The following CACNA2D1 variants were observed in gnomAD, a reference collection of about 807,000 sequenced individuals.
CACNA2D1 encodes calcium voltage-gated channel auxiliary subunit alpha2delta 1, also known as voltage-dependent calcium channel subunit alpha-2/delta-1.
In CACNA2D1, 53 loss-of-function variants were observed where a neutral mutation model predicts 171.5. The ratio of observed to expected loss-of-function variants is 0.31; its 90% CI spans 0.25 to 0.39. The LOEUF (loss-of-function observed/expected upper bound fraction) is 0.39. Ranked by LOEUF, CACNA2D1 falls within the 10% of genes least tolerant of loss-of-function variation. The probability of loss-of-function intolerance (pLI) is 1.00; values close to 1 mark genes in which losing one functional copy is unlikely to be tolerated. For synonymous variants in CACNA2D1, 442 were observed against 443.1 expected, an observed-to-expected ratio of 1.00 and a Z score of 0.03; for missense variants, 903 against 1,299.8, an observed-to-expected ratio of 0.69 and a Z score of 4.69.
intron 16 of CACNA2D1, among the ~76,000 whole-genome samples, chr7:82,006,533 T>C (rs1426084124): frequency 6.6e-6 from 1 of 152,032 alleles, no homozygotes; most frequent in Non-Finnish European, 1.5e-5. Flanking sequence ...ATATAAATTA[T>C]AAAATAATAA....
chr7:82,207,708 C>T (rs1800152469), intron 3 of CACNA2D1, among the ~76,000 whole-genome samples: 1 of 152,164 alleles, frequency 6.6e-6, no homozygotes, highest in African/African-American at 2.4e-5. Context: ...GAAGCTGGTA[C>T]TTAGTAGGAA....
chr7:82,191,882 C>T (rs1476478540), intron 3 of CACNA2D1, among the ~76,000 whole-genome samples: 3 of 151,688 alleles, frequency 2.0e-5, no homozygotes, highest in Non-Finnish European at 4.4e-5. Flanking sequence ...ATGAGATACG[C>T]TTTTCTCTCA....
At chr7:82,420,047 T>C (rs1350313091) in intron 1 of CACNA2D1, among the ~76,000 whole-genome samples, 1 of 152,158 alleles carries the variant, frequency 6.6e-6, no homozygotes, top group African/African-American at 2.4e-5. Flanking sequence ...AACTGTCTGA[T>C]CCAAAATGTC....
intron 4 of CACNA2D1, among the ~76,000 whole-genome samples, chr7:82,164,682 T>C (rs77448021): frequency 0.014 from 2,194 of 152,004 alleles, 33 homozygotes; most frequent in Middle Eastern, 0.02. Context: ...CCTAAATATA[T>C]GCTATTAATA....
chr7:82,387,512 G>A (rs536528315), intron 1 of CACNA2D1, among the ~76,000 whole-genome samples: 4 of 152,242 alleles, frequency 2.6e-5, no homozygotes, highest in Non-Finnish European at 5.9e-5. Context: ...ATTCACAAAT[G>A]TTTAATCATG....
In CACNA2D1 at chr7:81,947,644, AAAG is replaced by A. The variant is rs1365446616; in HGVS notation, c.*2745_*2747del. The A allele has an allele frequency of 3.3e-5, 5 of 152,008 alleles. No homozygotes were observed. The highest frequency in any genetic ancestry group is 5.9e-5 in the Non-Finnish European group (4 of 67,898). 9.4% of individuals were successfully genotyped at this position (152,008 alleles called of 1,614,324 possible). A position where few individuals can be genotyped will look rare whatever the true frequency, so the allele number is the denominator to read the frequency against. ...CACATGAGTATAACAAAAATTAGTT[AAAG>A]CAGTGTATAAACTTTTTTATTGATC... On this transcript the variant is annotated 3_prime_UTR_variant, in exon 39 of 39. Transcript: ENST00000356860.
intron 7 of CACNA2D1, among the ~76,000 whole-genome samples, chr7:82,068,189 C>G (rs73703116): frequency 0.099 from 15,079 of 152,182 alleles, 846 homozygotes; most frequent in Middle Eastern, 0.18. Flanking sequence ...TTGCCCACTT[C>G]CAGCAACATG....
intron 4 of CACNA2D1, among the ~76,000 whole-genome samples, chr7:82,157,210 G>A (rs1012396783): frequency 1.3e-5 from 2 of 152,034 alleles, no homozygotes; most frequent in African/African-American, 2.4e-5. Flanking sequence ...AATCATCAAT[G>A]AAATATCCTT....
At chr7:82,045,415 C>A (rs1804441227) in intron 10 of CACNA2D1, among the ~76,000 whole-genome samples, 2 of 152,036 alleles carry the variant, frequency 1.3e-5, no homozygotes, top group African/African-American at 4.8e-5. Flanking sequence ...GAGTTTTGTA[C>A]TTAGAAAATC....
At chr7:81,955,980 ATTTTTTTTTTTTTTTT>A (rs1164601123) in intron 38 of CACNA2D1, among the ~76,000 whole-genome samples, 3 of 34,546 alleles carry the variant, frequency 8.7e-5, no homozygotes, top group Non-Finnish European at 1.5e-4. Context: ...ATATATATAT[ATTTTTTTTTTTTTTTT>A]TTTTTTTTGG....
At chr7:82,044,338 T>C in intron 10 of CACNA2D1, among the ~76,000 whole-genome samples, 1 of 152,206 alleles carries the variant, frequency 6.6e-6, no homozygotes, top group East Asian at 1.9e-4. Flanking sequence ...GACACAACTA[T>C]AGTTTCTGAA....
chr7:82,348,139 T>A (rs2129445702), intron 2 of CACNA2D1, among the ~76,000 whole-genome samples: 1 of 152,304 alleles, frequency 6.6e-6, no homozygotes, highest in Admixed American at 6.5e-5. Context: ...ACCTGTACTT[T>A]CTTTTTTTTC....
intron 14 of CACNA2D1, 120 bp from the exon 15 acceptor site, chr7:82,012,363 A>G: frequency 1.5e-6 from 1 of 674,326 alleles, no homozygotes; most frequent in Non-Finnish European, 2.7e-6. Flanking sequence ...AATTATTGAC[A>G]CTGAATATAT....
chr7:82,058,849 T>C (rs1806259707), intron 10 of CACNA2D1, among the ~76,000 whole-genome samples: 2 of 152,068 alleles, frequency 1.3e-5, no homozygotes, highest in Admixed American at 6.6e-5. Flanking sequence ...ATACTTACAG[T>C]TTATTCCCCA....
intron 3 of CACNA2D1, among the ~76,000 whole-genome samples, chr7:82,186,389 T>C (rs1224670247): frequency 6.6e-6 from 1 of 152,156 alleles, no homozygotes; most frequent in East Asian, 1.9e-4. Context: ...CCTCAAGGAC[T>C]CTTGAAAGAA....
chr7:82,201,510 A>G (rs1859543), intron 3 of CACNA2D1, among the ~76,000 whole-genome samples: 38,817 of 152,040 alleles, frequency 0.26, 5,655 homozygotes, highest in African/African-American at 0.39. Context: ...AAACGACACT[A>G]AGTGTTGGAC....
chr7:82,043,832 C>T (rs1332898878), intron 10 of CACNA2D1, among the ~76,000 whole-genome samples: 1 of 152,120 alleles, frequency 6.6e-6, no homozygotes, highest in Non-Finnish European at 1.5e-5. Flanking sequence ...CAGAAAGTTA[C>T]GGGAAGTGCC....
intron 3 of CACNA2D1, among the ~76,000 whole-genome samples, chr7:82,212,324 A>G (rs1392326589): frequency 6.6e-6 from 1 of 152,230 alleles, no homozygotes; most frequent in South Asian, 2.1e-4. Context: ...TATTCCATGC[A>G]ATGTTTAGGT....
At chr7:82,164,216 A>G (rs1795222542) in intron 4 of CACNA2D1, among the ~76,000 whole-genome samples, 1 of 152,010 alleles carries the variant, frequency 6.6e-6, no homozygotes, top group Non-Finnish European at 1.5e-5. Flanking sequence ...ACAAGTAATT[A>G]TTTTTTAATT....
Sources: gnomAD v4.1 joint callset for allele counts (sites outside exome capture counted in the v4.1 genomes callset) on GRCh38, gnomAD v4.1.1 for gene constraint, MANE v1.5 for transcripts, NCBI Gene and HGNC (gene_info 2026-07-23, HGNC 2026-07-21) for gene names.